Variants in EYS observed in about 807,000 individuals in gnomAD.
The protein encoded by EYS is EGF-like photoreceptor maintenance factor, also known as protein eyes shut homolog.
In EYS, 250 loss-of-function variants were observed where a neutral mutation model predicts 282.1. The observed-to-expected ratio is 0.89, with a 90% CI of 0.80 to 0.98. The LOEUF (loss-of-function observed/expected upper bound fraction) is 0.98, where lower values mean the gene tolerates loss of function less well. Ranked by LOEUF, EYS falls within the 50% of genes least tolerant of loss-of-function variation. The probability of loss-of-function intolerance (pLI) is 0.00; values close to 1 mark genes in which losing one functional copy is unlikely to be tolerated. For missense variants in EYS, 4,016 were observed against 3,709.0 expected (o/e 1.08, Z -2.15); for synonymous variants, 1,355 against 1,282.9 (o/e 1.06, Z -1.20).
At chr6:64,585,424 A>G in intron 26 of EYS, among the ~76,000 whole-genome samples, 1 of 152,116 alleles carries the variant, frequency 6.6e-6, no homozygotes, top group Non-Finnish European at 1.5e-5. Context: ...CACACAATAC[A>G]CCATGTAACG....
intron 29 of EYS, among the ~76,000 whole-genome samples, chr6:64,360,854 G>A (rs1356457917): frequency 6.6e-6 from 1 of 151,682 alleles, no homozygotes; most frequent in Non-Finnish European, 1.5e-5. Context: ...CAGATTTTAA[G>A]GGACTTAACT....
chr6:64,328,013 G>A (rs1011110298), intron 29 of EYS, among the ~76,000 whole-genome samples: 2 of 152,152 alleles, frequency 1.3e-5, no homozygotes, highest in Non-Finnish European at 2.9e-5. Context: ...CAAGAAACAT[G>A]GGAACAAATT....
Position 64,499,808 on chromosome 6 carries a change from C to T in EYS, c.5645-60456G>A, listed in dbSNP as rs1359111245. ...GTTATGTTAATAAGATAAACAAATC[C>T]CTGCTCCTGAGTAAATGAGATAATG... On this transcript the variant is annotated intron_variant, in intron 26 of 42. Transcript: ENST00000503581. 7.2e-5 allele frequency among the ~76,000 whole-genome samples: 11 copies of T among 152,036 alleles called. No individual in the cohort carries two copies. The South Asian group carries it at 2.3e-3, about 32-fold the overall frequency.
chr6:64,256,125 T>A (rs1298329614), intron 30 of EYS, among the ~76,000 whole-genome samples: 1 of 151,988 alleles, frequency 6.6e-6, no homozygotes, highest in African/African-American at 2.4e-5. Flanking sequence ...ACTCTTAATT[T>A]TGACAAAATT....
At chr6:63,751,276 G>C (rs548049821) in intron 41 of EYS, among the ~76,000 whole-genome samples, 10 of 152,032 alleles carry the variant, frequency 6.6e-5, no homozygotes, top group African/African-American at 1.9e-4. Context: ...CAAATTGCAG[G>C]ATTCTTAATT....
intron 5 of EYS, among the ~76,000 whole-genome samples, chr6:65,409,435 G>T (rs1766887870): frequency 6.6e-6 from 1 of 152,150 alleles, no homozygotes; most frequent in African/African-American, 2.4e-5. Flanking sequence ...AAACGTAACT[G>T]CAGTAGTAGG....
At chr6:63,962,906 A>G (rs1164469632) in intron 35 of EYS, among the ~76,000 whole-genome samples, 2 of 152,196 alleles carry the variant, frequency 1.3e-5, no homozygotes, top group Non-Finnish European at 2.9e-5. Flanking sequence ...TGGCACATAT[A>G]CACCATGGAA....
rs1047182498 is a variant in EYS at position 64,397,830 on chromosome 6, G to A, written c.5928-8990C>T. On this transcript the variant is annotated intron_variant, in intron 28 of 42. Coordinates refer to ENST00000503581, the MANE Select transcript of EYS (RefSeq NM_001142800.2). ...CTTTATTTACTCTTTTGTTTCTAAG[G>A]TTTTTAATCTAACATGCGCTTTCAG... Among the ~76,000 whole-genome samples the A allele has an allele frequency of 4.6e-5, 7 of 151,748 alleles. No homozygotes were observed. The East Asian group carries it at 1.3e-3, about 29-fold the overall frequency.
At chr6:64,509,257 C>T (rs1777309406) in intron 26 of EYS, among the ~76,000 whole-genome samples, 1 of 152,042 alleles carries the variant, frequency 6.6e-6, no homozygotes, top group South Asian at 2.1e-4. Flanking sequence ...TTTGAAGGCA[C>T]TGTATTTGCT....
At chr6:63,957,007 T>A (rs1465588602) in intron 35 of EYS, among the ~76,000 whole-genome samples, 1 of 152,218 alleles carries the variant, frequency 6.6e-6, no homozygotes, top group East Asian at 1.9e-4. Flanking sequence ...TTCTGGAGTG[T>A]CCTTTTGCAC....
chr6:65,349,558 A>T (rs73744320), intron 9 of EYS, among the ~76,000 whole-genome samples: 1,968 of 151,642 alleles, frequency 0.013, 45 homozygotes, highest in African/African-American at 0.044. Context: ...GGTTATGATT[A>T]TGTATGTATG....
chr6:65,349,983 T>C (rs1306457731), intron 9 of EYS, among the ~76,000 whole-genome samples: 1 of 151,536 alleles, frequency 6.6e-6, no homozygotes, highest in African/African-American at 2.4e-5. Flanking sequence ...TTCTTCCTTA[T>C]GATTTAATTA....
At chr6:65,558,152 C>G (rs993924666) in intron 2 of EYS, among the ~76,000 whole-genome samples, 4 of 152,220 alleles carry the variant, frequency 2.6e-5, no homozygotes, top group Admixed American at 1.3e-4. Flanking sequence ...CTGCCTCCTA[C>G]TGCCATCAAC....
chr6:63,791,152 A>AAAATG (rs1770499854), intron 37 of EYS, among the ~76,000 whole-genome samples: 1 of 152,216 alleles, frequency 6.6e-6, no homozygotes, highest in Non-Finnish European at 1.5e-5. Context: ...TTCTGAGCTC[A>AAAATG]CCCAGAAAAT....
intron 12 of EYS, among the ~76,000 whole-genome samples, chr6:65,271,339 A>T (rs1375608179): frequency 6.6e-6 from 1 of 150,794 alleles, no homozygotes; most frequent in African/African-American, 2.4e-5. Context: ...ATGGCAAAAG[A>T]TCGATGTCTC....
chr6:65,295,078 C>T (rs1357810620), intron 12 of EYS, among the ~76,000 whole-genome samples: 3 of 151,696 alleles, frequency 2.0e-5, no homozygotes, highest in African/African-American at 4.8e-5. Flanking sequence ...TTTCATGTTA[C>T]GATGAAAATC....
At chr6:64,806,714 GA>G (rs982245830) in intron 22 of EYS, among the ~76,000 whole-genome samples, 28 of 150,426 alleles carry the variant, frequency 1.9e-4, no homozygotes, top group African/African-American at 5.6e-4. Flanking sequence ...TCAAGTCTGG[GA>G]AAAAAAAATC....
chr6:64,828,608 G>A (rs1212777136), intron 19 of EYS, among the ~76,000 whole-genome samples: 1 of 151,996 alleles, frequency 6.6e-6, no homozygotes, highest in Non-Finnish European at 1.5e-5. Flanking sequence ...CTGGGTAGTT[G>A]TAGAGATGAA....
At chr6:64,123,699 A>G (rs1005714710) in intron 31 of EYS, among the ~76,000 whole-genome samples, 3 of 152,230 alleles carry the variant, frequency 2.0e-5, no homozygotes, top group African/African-American at 7.2e-5. Flanking sequence ...TATACTGGGA[A>G]ACAGGGTGAG....
Sources: allele counts gnomAD v4.1 joint callset (sites outside exome capture counted in the v4.1 genomes callset), GRCh38; gene constraint gnomAD v4.1.1; transcripts MANE v1.5; gene names NCBI Gene and HGNC (gene_info 2026-07-23, HGNC 2026-07-21).